VWA8: variants seen among roughly 807,000 people sequenced by gnomAD.
The protein encoded by VWA8 is von Willebrand factor A domain-containing protein 8.
Under a neutral mutation model 241.5 loss-of-function variants are expected in VWA8, and 221 were observed. The observed-to-expected ratio is 0.91, with a 90% confidence interval of 0.82 to 1.02. The LOEUF is 1.02. Ranked by LOEUF, VWA8 falls within the 50% of genes least tolerant of loss-of-function variation. VWA8 has a pLI of 0.00. For synonymous variants in VWA8, 852 were observed against 827.1 expected (o/e 1.03, Z -0.52); for missense variants, 2,322 against 2,328.7 (o/e 1.00, Z 0.06).
chr13:41,931,490 T>G (rs1348420794), intron 2 of VWA8, among the ~76,000 whole-genome samples: 1 of 151,984 alleles, frequency 6.6e-6, no homozygotes. Flanking sequence ...AGAGATCTAA[T>G]GTACAATATG....
chr13:41,950,157 TA>T, intron 1 of VWA8, 144 bp from the exon 2 acceptor site: 1 of 461,704 alleles, frequency 2.2e-6, no homozygotes, highest in Non-Finnish European at 3.9e-6. Context: ...CACTATGCTC[TA>T]AAACTTCTAT....
At chr13:41,929,799 A>G (rs1877020386) in intron 2 of VWA8, among the ~76,000 whole-genome samples, 1 of 152,188 alleles carries the variant, frequency 6.6e-6, no homozygotes, top group Non-Finnish European at 1.5e-5. Flanking sequence ...CTAGGAAAAA[A>G]GCTCCTGGAC....
At chr13:41,710,077 A>C (rs2045307023) in intron 26 of VWA8, among the ~76,000 whole-genome samples, 1 of 152,202 alleles carries the variant, frequency 6.6e-6, no homozygotes, top group Non-Finnish European at 1.5e-5. Context: ...CGTCTGGTAA[A>C]TGAAAGAATG....
At chr13:41,744,268 A>T (rs1203772132) in intron 21 of VWA8, among the ~76,000 whole-genome samples, 1 of 152,208 alleles carries the variant, frequency 6.6e-6, no homozygotes, top group Non-Finnish European at 1.5e-5. Flanking sequence ...TCATTTCCAC[A>T]AACATTTCCA....
At chr13:41,604,084 C>G (rs1014952583) in intron 40 of VWA8, among the ~76,000 whole-genome samples, 1 of 152,136 alleles carries the variant, frequency 6.6e-6, no homozygotes, top group Non-Finnish European at 1.5e-5. Context: ...GGCACCATCT[C>G]CCATTACTCT....
chr13:41,572,930 GAA>G (rs1402013803), intron 43 of VWA8, among the ~76,000 whole-genome samples: 6,130 of 150,044 alleles, frequency 0.041, 166 homozygotes, highest in African/African-American at 0.078. Flanking sequence ...CGGCATGGTG[GAA>G]CCCTGTCTCT....
chr13:41,617,597 G>A (rs1028895430), intron 37 of VWA8, among the ~76,000 whole-genome samples: 2 of 151,816 alleles, frequency 1.3e-5, no homozygotes, highest in African/African-American at 2.4e-5. Flanking sequence ...TCATTAATTC[G>A]TCATTTACAT....
chr13:41,831,312 C>T (rs569639995), intron 13 of VWA8, among the ~76,000 whole-genome samples: 5 of 151,954 alleles, frequency 3.3e-5, no homozygotes, highest in East Asian at 1.9e-4. Flanking sequence ...GGAGCATGGC[C>T]GGTGGAACCA....
At chr13:41,837,454 G>T (rs1871792719) in intron 12 of VWA8, among the ~76,000 whole-genome samples, 1 of 140,066 alleles carries the variant, frequency 7.1e-6, no homozygotes, top group African/African-American at 2.6e-5. Context: ...CAGAACAACT[G>T]AATCTAATCA....
intron 2 of VWA8, among the ~76,000 whole-genome samples, chr13:41,939,728 T>C (rs1294651629): frequency 1.3e-5 from 2 of 152,254 alleles, no homozygotes; most frequent in African/African-American, 4.8e-5. Flanking sequence ...CATTGAAGTT[T>C]AGATTTCCAG....
intron 37 of VWA8, among the ~76,000 whole-genome samples, chr13:41,632,042 A>G (rs1183129800): frequency 6.6e-6 from 1 of 152,188 alleles, no homozygotes; most frequent in African/African-American, 2.4e-5. Context: ...ATTCAATACT[A>G]TGGTAAATTA....
rs776839484 is a variant in VWA8, at chr13:41,590,631, A to G, written c.5112+9T>C. On this transcript the variant is annotated intron_variant, in intron 41 of 44. Transcript: ENST00000379310. ...GCAGAGCTGAGGCTAGCAGTTCACC[A>G]TGACTTACTTGTGGCTCCAGCTCAC... The G allele has an allele frequency of 9.9e-6, 16 of 1,613,644 alleles. No individual in the cohort carries two copies. The East Asian group carries it at 2.0e-4, about 20-fold the overall frequency.
At chr13:41,579,995 C>T (rs1164718037) in intron 42 of VWA8, among the ~76,000 whole-genome samples, 10 of 151,628 alleles carry the variant, frequency 6.6e-5, no homozygotes, top group Admixed American at 1.3e-4. Flanking sequence ...CACAGGCATG[C>T]GCCGCCACAC....
chr13:41,603,112 C>A (rs1048331858), intron 40 of VWA8, among the ~76,000 whole-genome samples: 10 of 152,088 alleles, frequency 6.6e-5, no homozygotes, highest in African/African-American at 2.4e-4. Flanking sequence ...TGACTCCAAC[C>A]CCCTTAAGGA....
At chr13:41,901,885 A>T (rs1214987894) in intron 4 of VWA8, among the ~76,000 whole-genome samples, 3,266 of 85,010 alleles carry the variant, frequency 0.038, 49 homozygotes, top group Non-Finnish European at 0.06. Flanking sequence ...AAAAAAAAAA[A>T]AAAAATATAT....
chr13:41,740,107 G>T (rs1169257038), intron 21 of VWA8, among the ~76,000 whole-genome samples: 1 of 151,700 alleles, frequency 6.6e-6, no homozygotes, highest in South Asian at 2.1e-4. Context: ...TGCCCACCTC[G>T]GCCTCCCAAA....
intron 37 of VWA8, among the ~76,000 whole-genome samples, chr13:41,654,537 C>T (rs1189878354): frequency 8.5e-5 from 13 of 152,194 alleles, no homozygotes; most frequent in Non-Finnish European, 1.0e-4. Flanking sequence ...AATTTACATT[C>T]CTCGCATGCA....
At chr13:41,747,823 G>C (rs1024560399) in intron 21 of VWA8, among the ~76,000 whole-genome samples, 2 of 152,250 alleles carry the variant, frequency 1.3e-5, no homozygotes, top group East Asian at 3.9e-4. Flanking sequence ...GTTGAATTTT[G>C]TCAAAGGCCT....
intron 4 of VWA8, among the ~76,000 whole-genome samples, chr13:41,893,852 C>G (rs987105361): frequency 6.6e-6 from 1 of 152,156 alleles, no homozygotes; most frequent in African/African-American, 2.4e-5. Flanking sequence ...CCCCTACACT[C>G]CAGCCTGGGC....
Sources: gnomAD v4.1 joint callset for allele counts (sites outside exome capture counted in the v4.1 genomes callset) on GRCh38, gnomAD v4.1.1 for gene constraint, MANE v1.5 for transcripts, NCBI Gene and HGNC (gene_info 2026-07-23, HGNC 2026-07-21) for gene names.